RAI14: variants seen among roughly 807,000 people sequenced by gnomAD.
RAI14 encodes the protein retinoic acid induced 14, also known as ankycorbin.
In RAI14, 45 loss-of-function variants were observed where a neutral mutation model predicts 115.4. That is an observed-to-expected ratio of 0.39 (90% CI 0.31 to 0.50). The LOEUF (loss-of-function observed/expected upper bound fraction) is 0.50. RAI14 is among the 20% of genes least tolerant of loss of function. The pLI is 0.85. For missense variants in RAI14, 939 were observed against 1,131.2 expected, an observed-to-expected ratio of 0.83 and a Z score of 2.44; for synonymous variants, 371 against 415.4, an observed-to-expected ratio of 0.89 and a Z score of 1.30.
intron 1 of RAI14, among the ~76,000 whole-genome samples, chr5:34,658,589 G>A (rs1335876739): frequency 1.3e-5 from 2 of 151,866 alleles, no homozygotes; most frequent in Non-Finnish European, 2.9e-5. Flanking sequence ...TCAGGAGATC[G>A]AGACCATCCT....
chr5:34,799,540 A>AC (rs70973013), intron 4 of RAI14, among the ~76,000 whole-genome samples: 2 of 53,766 alleles, frequency 3.7e-5, no homozygotes, highest in Non-Finnish European at 9.7e-5. Flanking sequence ...ACACACACAC[A>AC]AAACCACCTT....
chr5:34,792,235 CTTTTTT>C (rs55986330), intron 3 of RAI14, among the ~76,000 whole-genome samples: 20 of 127,468 alleles, frequency 1.6e-4, no homozygotes, highest in African/African-American at 6.0e-4. Context: ...TTTCTTTTTT[CTTTTTT>C]TTTTTTTTTT....
chr5:34,828,390 G>A (rs780603108), intron 16 of RAI14, among the ~76,000 whole-genome samples: 9 of 152,144 alleles, frequency 5.9e-5, no homozygotes, highest in Non-Finnish European at 1.0e-4. Flanking sequence ...AAAGCCAAGC[G>A]AATGATGACA....
intron 3 of RAI14, among the ~76,000 whole-genome samples, chr5:34,775,973 G>A (rs1307281769): frequency 1.3e-5 from 2 of 152,166 alleles, no homozygotes; most frequent in Non-Finnish European, 2.9e-5. Flanking sequence ...GCACTCTCAT[G>A]TTTATTGTAG....
intron 11 of RAI14, among the ~76,000 whole-genome samples, chr5:34,814,076 T>C (rs1755903866): frequency 6.6e-6 from 1 of 152,220 alleles, no homozygotes; most frequent in African/African-American, 2.4e-5. Flanking sequence ...CTGCAATACA[T>C]TTGCCTTTTT....
rs570232982 is a variant in RAI14 at position 34,808,668 on chromosome 5, G to A, written c.450+14G>A. 19 of 1,610,562 alleles carry A rather than the reference G, an allele frequency of 1.2e-5. No individual in the cohort carries two copies. In the South Asian group the frequency reaches 1.2e-4, roughly 10 times the overall value. ...CTCAAAGATTTGGTAAGTACCAGGT[G>A]GTCACTAGAGGCAGAGGTAGACATT... On this transcript the variant is annotated intron_variant, in intron 7 of 17. Coordinates refer to ENST00000265109, the MANE Select transcript of RAI14 (RefSeq NM_015577.3).
intron 1 of RAI14, among the ~76,000 whole-genome samples, chr5:34,663,079 T>C (rs544925711): frequency 6.6e-5 from 10 of 152,156 alleles, no homozygotes; most frequent in Non-Finnish European, 1.3e-4. Flanking sequence ...AGCTGAAAAG[T>C]ACAGGTGGTT....
chr5:34,741,168 T>C (rs1745466186), intron 2 of RAI14, among the ~76,000 whole-genome samples: 1 of 152,236 alleles, frequency 6.6e-6, no homozygotes, highest in African/African-American at 2.4e-5. Context: ...CAAAAATATC[T>C]GGATAGATCT....
intron 3 of RAI14, among the ~76,000 whole-genome samples, chr5:34,771,833 T>A (rs373325758): frequency 6.6e-6 from 1 of 152,228 alleles, no homozygotes; most frequent in South Asian, 2.1e-4. Context: ...TTCCAGATTT[T>A]AGTTTAAACT....
intron 1 of RAI14, among the ~76,000 whole-genome samples, chr5:34,677,985 G>T (rs113824594): frequency 1.8e-4 from 27 of 152,242 alleles, no homozygotes; most frequent in South Asian, 1.7e-3. Flanking sequence ...CCTGCTACCC[G>T]GCCTCCTGCA....
At chr5:34,767,822 C>T (rs1254264758) in intron 3 of RAI14, among the ~76,000 whole-genome samples, 1 of 151,892 alleles carries the variant, frequency 6.6e-6, no homozygotes, top group Non-Finnish European at 1.5e-5. Context: ...CCCAATCTTT[C>T]CTACTAAGAA....
intron 1 of RAI14, among the ~76,000 whole-genome samples, chr5:34,679,862 G>A (rs925457968): frequency 1.3e-4 from 19 of 151,756 alleles, no homozygotes; most frequent in African/African-American, 4.1e-4. Context: ...TCCCAATGAC[G>A]CTAACCCGTG....
intron 2 of RAI14, among the ~76,000 whole-genome samples, chr5:34,730,968 GA>G (rs1267394521): frequency 1.3e-5 from 2 of 152,178 alleles, no homozygotes; most frequent in African/African-American, 2.4e-5. Context: ...TGGGCAACAA[GA>G]GTGAAACTCC....
At chr5:34,818,398 T>C (rs1443197596) in intron 12 of RAI14, among the ~76,000 whole-genome samples, 2 of 152,240 alleles carry the variant, frequency 1.3e-5, no homozygotes, top group East Asian at 1.9e-4. Context: ...TCAATCAATG[T>C]ATAATGCAGA....
chr5:34,695,099 C>T (rs1396514216), intron 2 of RAI14, among the ~76,000 whole-genome samples: 1 of 152,110 alleles, frequency 6.6e-6, no homozygotes, highest in Admixed American at 6.5e-5. Flanking sequence ...AGGGTTTCGC[C>T]ATGTTGCCCA....
intron 1 of RAI14, among the ~76,000 whole-genome samples, chr5:34,682,012 C>A (rs894633788): frequency 1.3e-5 from 2 of 152,010 alleles, no homozygotes; most frequent in Non-Finnish European, 1.5e-5. Context: ...TGCGCCACCA[C>A]GCCCGGCTAA....
At chr5:34,807,694 A>G (rs907753652) in intron 5 of RAI14, 106 bp from the exon 6 acceptor site, 17 of 882,598 alleles carry the variant, frequency 1.9e-5, no homozygotes, top group Non-Finnish European at 3.2e-5. Flanking sequence ...ATTTATGTTA[A>G]TAGTCTTCCT....
chr5:34,697,263 C>A (rs1295689924), intron 2 of RAI14, among the ~76,000 whole-genome samples: 2 of 151,748 alleles, frequency 1.3e-5, no homozygotes, highest in African/African-American at 4.8e-5. Context: ...ATGGAGAAAC[C>A]CTGTCTCTAC....
At chr5:34,676,092 C>T (rs1238747458) in intron 1 of RAI14, among the ~76,000 whole-genome samples, 1 of 152,230 alleles carries the variant, frequency 6.6e-6, no homozygotes, top group Non-Finnish European at 1.5e-5. Flanking sequence ...AATTGTCACA[C>T]TGCATTTCAC....
Sources: allele counts gnomAD v4.1 joint callset (sites outside exome capture counted in the v4.1 genomes callset), GRCh38; gene constraint gnomAD v4.1.1; transcripts MANE v1.5; gene names NCBI Gene and HGNC (gene_info 2026-07-23, HGNC 2026-07-21).